ATIC: variants seen among roughly 807,000 people sequenced by gnomAD.
ATIC encodes the protein 5-aminoimidazole-4-carboxamide ribonucleotide formyltransferase/IMP cyclohydrolase, also known as bifunctional purine biosynthesis protein ATIC.
A neutral mutation model predicts 72.5 loss-of-function variants in ATIC; 64 were observed. The observed-to-expected ratio is 0.88, with a 90% confidence interval of 0.72 to 1.09. The LOEUF is 1.09. Ranked by LOEUF, ATIC falls within the 50% of genes least tolerant of loss-of-function variation. The pLI, the probability that ATIC is intolerant of heterozygous loss-of-function variation, is 0.00. For synonymous variants in ATIC, 281 were observed against 267.1 expected (o/e 1.05, Z -0.51); for missense variants, 787 against 732.4 (o/e 1.07, Z -0.86).
chr2:215,328,414 A>G (rs79588091), intron 7 of ATIC, among the ~76,000 whole-genome samples: 2,258 of 151,974 alleles, frequency 0.015, 51 homozygotes, highest in African/African-American at 0.051. Context: ...CCTGCCTCCT[A>G]TCTGCCCCCT....
At position 215,326,105 on chromosome 2, in the gene ATIC, C is replaced by T. The variant is rs2052821738; in HGVS notation, c.498C>T (p.Thr166=). The change falls in exon 6 of 16, where the codon ACC becomes ACT. Residue 166 remains threonine, a synonymous_variant. Coordinates refer to ENST00000236959, the MANE Select transcript of ATIC (RefSeq NM_004044.7). ...TGCAGAGCTCCGAGAGTAAGGACAC[C>T]TCCTTGGAGACTAGACGCCAGTTAG... The part of the protein sequence containing the change: ...TEMQSSESKD[T]SLETRRQLAL... 1.2e-6 allele frequency: 2 copies of T among 1,613,958 alleles called. No homozygotes were observed. Among genetic ancestry groups the T allele is most frequent in the Admixed American group, 3.3e-5 (2 of 59,990 alleles).
chr2:215,319,845 G>C (rs888950484), intron 4 of ATIC, 114 bp downstream of exon 4: 11 of 862,224 alleles, frequency 1.3e-5, no homozygotes, highest in Non-Finnish European at 3.8e-6. Context: ...CGTACCTTCT[G>C]TGTGACTTTG....
At chr2:215,363,213 G>C in the ATIC span, 1 of 152,108 alleles carries the variant, frequency 6.6e-6, no homozygotes, top group Non-Finnish European at 1.5e-5. Flanking sequence ...CTTGAGAATA[G>C]AATAAGTGTC....
chr2:215,352,584 G>GA (rs35608294), downstream of ATIC, among the ~76,000 whole-genome samples: 29 of 147,418 alleles, frequency 2.0e-4, no homozygotes, highest in South Asian at 6.5e-4. Flanking sequence ...TCCATCTCAA[G>GA]AAAAAAAAAA....
downstream of ATIC, among the ~76,000 whole-genome samples, chr2:215,354,515 C>T (rs566994869): frequency 1.1e-4 from 16 of 152,202 alleles, no homozygotes; most frequent in East Asian, 3.1e-3. Context: ...CATTTCTAAG[C>T]AATTCCTATA....
intron 10 of ATIC, 81 bp downstream of exon 10, chr2:215,335,085 A>G (rs1377636162): frequency 5.1e-6 from 4 of 788,392 alleles, no homozygotes; most frequent in Non-Finnish European, 7.8e-6. Flanking sequence ...ACCATAACCT[A>G]TAATATTTAT....
Position 215,326,953 on chromosome 2 carries a change from A to ACTGCAG in ATIC, c.665_670dup (p.Leu222_Gln223dup). The ACTGCAG allele has an allele frequency of 6.2e-7, 1 of 1,614,124 alleles. No homozygotes were observed. Among genetic ancestry groups the ACTGCAG allele is most frequent in the Non-Finnish European group, 8.5e-7 (1 of 1,180,038 alleles). ...ATCAGACCCCTGCCCAGCTGTACAC[A>ACTGCAG]CTGCAGCCCAAGCTTCCCATCACAG... On this transcript the variant is annotated inframe_insertion, in exon 7 of 16. Coordinates refer to ENST00000236959, the MANE Select transcript of ATIC (RefSeq NM_004044.7).
intron 2 of ATIC, among the ~76,000 whole-genome samples, chr2:215,313,978 C>T (rs948217092): frequency 2.0e-5 from 3 of 152,068 alleles, no homozygotes; most frequent in Non-Finnish European, 4.4e-5. Context: ...GCAAAATCCT[C>T]ATCTGTAGTC....
chr2:215,312,561 G>C lies in ATIC; in HGVS notation c.83G>C (p.Gly28Ala). ...TTTGCAAGAAACCTGACCGCTCTTG[G>C]TTTGAATCTGGTCGCTTCCGGAGGG... ...VEFARNLTAL[G>A]LNLVASGGTA... is the part of the protein sequence containing the mutation. Residue 28 changes from glycine to alanine, a missense_variant, in exon 2 of 16, where the codon GGT becomes GCT. Physicochemically the swap from Gly to Ala is moderately conservative, Grantham distance 60 (BLOSUM62 0). Coordinates refer to ENST00000236959, the MANE Select transcript of ATIC (RefSeq NM_004044.7). The C allele has an allele frequency of 1.9e-6, 3 of 1,614,222 alleles. No homozygotes were observed. The highest frequency in any genetic ancestry group is 2.5e-6 in the Non-Finnish European group (3 of 1,180,038).
the ATIC span, chr2:215,362,133 C>T: frequency 1.6e-5 from 22 of 1,350,972 alleles, no homozygotes; most frequent in East Asian, 2.3e-5. Context: ...CTGAGGACAT[C>T]GTAATTTAGT....
At chr2:215,342,585 CCTT>C (rs895214094) in intron 12 of ATIC, among the ~76,000 whole-genome samples, 1 of 152,182 alleles carries the variant, frequency 6.6e-6, no homozygotes, top group African/African-American at 2.4e-5. Flanking sequence ...TCCACCCTCT[CCTT>C]ACCCTTGGGC....
chr2:215,312,706 C>G (rs1484465529), intron 2 of ATIC, 82 bp downstream of exon 2: 1 of 1,599,232 alleles, frequency 6.3e-7, no homozygotes. Context: ...AGCAGCAAAA[C>G]GCCTTATTTA....
chr2:215,338,974 G>A, intron 12 of ATIC, 67 bp downstream of exon 12: 2 of 1,593,462 alleles, frequency 1.3e-6, no homozygotes, highest in Non-Finnish European at 8.6e-7. Context: ...TACTTAATGA[G>A]CTTTACATTT....
intron 12 of ATIC, among the ~76,000 whole-genome samples, chr2:215,342,008 C>T (rs117375940): frequency 3.4e-4 from 51 of 151,342 alleles, no homozygotes; most frequent in East Asian, 3.1e-3. Context: ...AAATGCCAGA[C>T]GCTTACTGTC....
At chr2:215,338,197 C>T (rs1358020111) in intron 11 of ATIC, among the ~76,000 whole-genome samples, 1 of 152,172 alleles carries the variant, frequency 6.6e-6, no homozygotes, top group East Asian at 1.9e-4. Flanking sequence ...CCTTAATGTT[C>T]TTTCGGCTCA....
intron 11 of ATIC, among the ~76,000 whole-genome samples, chr2:215,338,276 A>G (rs578071626): frequency 2.0e-5 from 3 of 152,308 alleles, no homozygotes; most frequent in South Asian, 4.1e-4. Flanking sequence ...ACAGATTACA[A>G]ATCCTGTTTT....
intron 15 of ATIC, 114 bp from the exon 16 acceptor site, chr2:215,349,422 T>G (rs1452482656): frequency 6.3e-7 from 1 of 1,587,174 alleles, no homozygotes; most frequent in African/African-American, 1.3e-5. Flanking sequence ...CTGTTGTTAT[T>G]TTGCCTTTTT....
the ATIC span, chr2:215,360,819 A>C: frequency 1.3e-5 from 2 of 152,602 alleles, no homozygotes; most frequent in Non-Finnish European, 2.9e-5. Flanking sequence ...CACAGGAATT[A>C]TTTCCCCCGA....
intron 14 of ATIC, among the ~76,000 whole-genome samples, chr2:215,347,974 G>C (rs2053090012): frequency 6.6e-6 from 1 of 152,136 alleles, no homozygotes; most frequent in Non-Finnish European, 1.5e-5. Context: ...GTCTGGGGAG[G>C]CCTACCCTCT....
Sources: allele counts gnomAD v4.1 joint callset (sites outside exome capture counted in the v4.1 genomes callset), GRCh38; gene constraint gnomAD v4.1.1; transcripts MANE v1.5; gene names NCBI Gene and HGNC (gene_info 2026-07-23, HGNC 2026-07-21).